UQCC1: variants seen among roughly 807,000 people sequenced by gnomAD.
UQCC1 encodes the protein bFGF-repressed Zic-binding protein.
In UQCC1, 38 loss-of-function variants were observed where a neutral mutation model predicts 48.0. The observed-to-expected ratio is 0.79, with a 90% CI of 0.61 to 1.04. The LOEUF is 1.04. Among genes scored for constraint, UQCC1 ranks in the 50% least tolerant of loss-of-function variants. UQCC1 has a pLI of 0.00. For missense variants in UQCC1, 368 were observed against 381.8 expected, an observed-to-expected ratio of 0.96 and a Z score of 0.30; for synonymous variants, 111 against 129.2, an observed-to-expected ratio of 0.86 and a Z score of 0.95.
intron 8 of UQCC1, among the ~76,000 whole-genome samples, chr20:35,313,103 G>A (rs1486897461): frequency 1.3e-5 from 2 of 152,064 alleles, no homozygotes; most frequent in Non-Finnish European, 2.9e-5. Context: ...GAGGCCAGGC[G>A]TGGTGGCTCA....
intron 1 of UQCC1, among the ~76,000 whole-genome samples, chr20:35,397,963 T>C (rs1227707391): frequency 1.3e-5 from 2 of 152,216 alleles, no homozygotes; most frequent in Non-Finnish European, 2.9e-5. Flanking sequence ...GTACTTTACA[T>C]ATATGAACTC....
At chr20:35,325,035 CATGG>C (rs2061177252) in intron 7 of UQCC1, among the ~76,000 whole-genome samples, 2 of 152,142 alleles carry the variant, frequency 1.3e-5, no homozygotes, top group African/African-American at 2.4e-5. Flanking sequence ...TATGCTATAA[CATGG>C]ATGGACCTTA....
intron 7 of UQCC1, among the ~76,000 whole-genome samples, chr20:35,324,728 T>C (rs2061172899): frequency 6.6e-6 from 1 of 152,216 alleles, no homozygotes; most frequent in Non-Finnish European, 1.5e-5. Flanking sequence ...CCCTCATGCA[T>C]TGTTGAAGAA....
At chr20:35,350,494 C>T (rs912192190) in intron 6 of UQCC1, among the ~76,000 whole-genome samples, 3 of 151,554 alleles carry the variant, frequency 2.0e-5, no homozygotes, top group African/African-American at 7.3e-5. Context: ...GTCAGGAGTT[C>T]GAGACCAACC....
chr20:35,333,610 G>A (rs1172920776), intron 7 of UQCC1, among the ~76,000 whole-genome samples: 1 of 152,166 alleles, frequency 6.6e-6, no homozygotes, highest in Admixed American at 6.5e-5. Flanking sequence ...ACATACACAT[G>A]CTTATACCAT....
chr20:35,341,315 A>C (rs1363216320), intron 7 of UQCC1, among the ~76,000 whole-genome samples: 1 of 152,140 alleles, frequency 6.6e-6, no homozygotes, highest in African/African-American at 2.4e-5. Flanking sequence ...AAGTAATTCC[A>C]TTAGAAGATG....
intron 9 of UQCC1, 111 bp from the exon 10 acceptor site, chr20:35,304,180 G>A (rs972794047): frequency 1.6e-5 from 23 of 1,434,744 alleles, no homozygotes; most frequent in Admixed American, 1.0e-4. Flanking sequence ...CGGGGCATGA[G>A]GGGGGCTTCT....
At chr20:35,404,124 G>A (rs1360051993) in intron 1 of UQCC1, among the ~76,000 whole-genome samples, 5 of 152,118 alleles carry the variant, frequency 3.3e-5, no homozygotes, top group Admixed American at 1.3e-4. Context: ...GCTCACGCTT[G>A]TAATCCCAGC....
At chr20:35,365,206 T>G (rs2061652166) in intron 6 of UQCC1, among the ~76,000 whole-genome samples, 1 of 152,188 alleles carries the variant, frequency 6.6e-6, no homozygotes, top group African/African-American at 2.4e-5. Flanking sequence ...TACTTCTTAC[T>G]CATATTTATT....
Position 35,318,289 on chromosome 20 carries a change from A to G in UQCC1, c.574-3524T>C, listed in dbSNP as rs73616652. Among the ~76,000 whole-genome samples the G allele has an allele frequency of 6.6e-4, 101 of 152,354 alleles. No individual in the cohort carries two copies. In the East Asian group the frequency reaches 0.01, roughly 15 times the overall value. Reference sequence around the variant, plus strand: ...AAACCCAGAAAGAAGAGACTTATTCAAGATCACACATCAAGTTAGTATAAG... The same window carrying G: ...AAACCCAGAAAGAAGAGACTTATTCGAGATCACACATCAAGTTAGTATAAG... On this transcript the variant is annotated intron_variant, in intron 7 of 9. Transcript: ENST00000374385.
chr20:35,334,183 T>C (rs2061289224), intron 7 of UQCC1, among the ~76,000 whole-genome samples: 1 of 152,200 alleles, frequency 6.6e-6, no homozygotes, highest in Non-Finnish European at 1.5e-5. Flanking sequence ...ACCCCTCAAC[T>C]ACTCAGTGAA....
At chr20:35,336,571 G>A (rs1021699147) in intron 7 of UQCC1, among the ~76,000 whole-genome samples, 1 of 152,132 alleles carries the variant, frequency 6.6e-6, no homozygotes, top group South Asian at 2.1e-4. Context: ...AGAGCTGGAA[G>A]GGGCAAGAGT....
At chr20:35,353,461 A>G (rs1255747250) in intron 6 of UQCC1, among the ~76,000 whole-genome samples, 1 of 151,978 alleles carries the variant, frequency 6.6e-6, no homozygotes, top group Non-Finnish European at 1.5e-5. Flanking sequence ...AGTTAAGTTT[A>G]ATTTATTATT....
At chr20:35,332,848 T>C (rs931587146) in intron 7 of UQCC1, among the ~76,000 whole-genome samples, 5 of 152,188 alleles carry the variant, frequency 3.3e-5, no homozygotes, top group Non-Finnish European at 5.9e-5. Context: ...AGCCTAGCAT[T>C]CTTCCCACTT....
At chr20:35,304,151 A>T in intron 9 of UQCC1, 82 bp from the exon 10 acceptor site, 2 of 1,582,578 alleles carry the variant, frequency 1.3e-6, no homozygotes. Flanking sequence ...AGCCTCCCAG[A>T]GGAGAGGAAG....
intron 1 of UQCC1, among the ~76,000 whole-genome samples, chr20:35,411,612 C>T (rs1464706699): frequency 2.0e-5 from 3 of 152,118 alleles, no homozygotes; most frequent in East Asian, 1.9e-4. Flanking sequence ...GGGACTAGAA[C>T]CCAGGCCTCC....
chr20:35,409,985 T>C (rs1647561703), intron 1 of UQCC1: 1 of 146,114 alleles, frequency 6.8e-6, no homozygotes, highest in African/African-American at 2.5e-5. Flanking sequence ...TTTGTATTTT[T>C]AGTAGAGACA....
In UQCC1 at chr20:35,326,781, T is replaced by A. The variant is rs189929227; in HGVS notation, c.574-12016A>T. ...AGCTGCAGGCACTACTTGGCTTTTT[T>A]AATTATTTTCTATTAAATTTAGGCA... On this transcript the variant is annotated intron_variant, in intron 7 of 9. Transcript: ENST00000374385. Among the ~76,000 whole-genome samples, 284 of 152,320 alleles carry A rather than the reference T, an allele frequency of 1.9e-3. 2 individuals are homozygous for A. Among genetic ancestry groups the A allele is most frequent in the Admixed American group, 4.7e-3 (72 of 15,300 alleles).
chr20:35,320,214 C>T (rs1194548823), intron 7 of UQCC1, among the ~76,000 whole-genome samples: 1 of 152,150 alleles, frequency 6.6e-6, no homozygotes, highest in Non-Finnish European at 1.5e-5. Context: ...CTACAGGTGC[C>T]CCAAAGTGAT....
Sources: allele counts gnomAD v4.1 joint callset (sites outside exome capture counted in the v4.1 genomes callset), GRCh38; gene constraint gnomAD v4.1.1; transcripts MANE v1.5; gene names NCBI Gene and HGNC (gene_info 2026-07-23, HGNC 2026-07-21).